Variants in ZNF746 observed in about 807,000 individuals in gnomAD.
The protein encoded by ZNF746 is zinc finger protein 746, also known as parkin-interacting substrate.
ZNF746 carries 13 observed loss-of-function variants against 41.0 expected under a neutral mutation model. That is an observed-to-expected ratio of 0.32 (90% confidence interval 0.21 to 0.50). ZNF746 has a LOEUF of 0.50. Ranked by LOEUF, ZNF746 falls within the 20% of genes least tolerant of loss-of-function variation. The pLI, the probability that ZNF746 is intolerant of heterozygous loss-of-function variation, is 0.98. For missense variants in ZNF746, 811 were observed against 922.9 expected, an observed-to-expected ratio of 0.88 and a Z score of 1.57; for synonymous variants, 424 against 396.2, an observed-to-expected ratio of 1.07 and a Z score of -0.83.
intron 5 of ZNF746, 83 bp downstream of exon 5, chr7:149,477,481 T>C (rs1585722398): frequency 6.9e-7 from 1 of 1,449,780 alleles, no homozygotes; most frequent in Non-Finnish European, 9.4e-7. Flanking sequence ...GGCCCACAGC[T>C]CCCCCATGCT....
chr7:149,494,311 C>G lies in ZNF746; in HGVS notation c.217G>C (p.Glu73Gln). Residue 73 changes from glutamate to glutamine, a missense_variant, in exon 2 of 7, where the codon GAG (glutamate) becomes CAG (glutamine). By Grantham distance (29) the Glu-to-Gln change is conservative. Transcript: ENST00000458143. The surrounding 1 kb of genome is among the most constrained non-coding windows in gnomAD (Gnocchi z 5.6). The stretch of plus-strand genomic sequence containing the variant: ...AGCCGCCTCTGCAGCAGCCCGTACT[C>G]CTGCAGCAGGGTCCCCAGCACGGCC... ...KWAVLGTLLQ[E>Q]YGLLQRRLEN... The G allele has an allele frequency of 6.2e-7, 1 of 1,614,084 alleles. No individual in the cohort carries two copies. Among genetic ancestry groups the G allele is most frequent in the South Asian group, 1.1e-5 (1 of 91,078 alleles).
intron 3 of ZNF746, 118 bp downstream of exon 3, chr7:149,493,871 A>T: frequency 6.5e-7 from 1 of 1,534,348 alleles, no homozygotes; most frequent in Non-Finnish European, 8.9e-7. Flanking sequence ...AACAACTTGC[A>T]AGGTCAACAA....
intron 4 of ZNF746, chr7:149,491,568 G>A (rs1800809180): frequency 2.1e-5 from 8 of 374,230 alleles, no homozygotes; most frequent in Admixed American, 1.1e-4. Flanking sequence ...CATCTGTAGA[G>A]CTAAACTGTC....
intron 1 of ZNF746, chr7:149,496,766 C>A: frequency 1.0e-6 from 1 of 969,502 alleles, no homozygotes; most frequent in Non-Finnish European, 1.2e-6. Context: ...CTCCTTCCCC[C>A]GGAGCCCACC....
Position 149,497,272 on chromosome 7 carries a change from T to C in ZNF746, c.24+241A>G, listed in dbSNP as rs1801037290. 1 of 984,908 alleles carries C rather than the reference T, an allele frequency of 1.0e-6. No individual in the cohort carries two copies. Among genetic ancestry groups the C allele is most frequent in the Non-Finnish European group, 1.2e-6 (1 of 829,740 alleles). The allele number at this position is 984,908 out of a possible 1,614,324, so 61.0% of individuals were successfully genotyped here. On this transcript the variant is annotated intron_variant, in intron 1 of 6. Transcript: ENST00000458143. This position sits in a 1 kb window ranked among gnomAD's most constrained non-coding sequence, Gnocchi z 4.2. Reference sequence around the variant, plus strand: ...CCCGGAGGGCCCAAAGAACTTGGCGTGGGGCGGCCCGGGGCGGGGACAACC... The same window carrying C: ...CCCGGAGGGCCCAAAGAACTTGGCGCGGGGCGGCCCGGGGCGGGGACAACC...
intron 4 of ZNF746, among the ~76,000 whole-genome samples, chr7:149,478,361 ACT>A (rs1800381810): frequency 1.3e-5 from 2 of 151,776 alleles, no homozygotes; most frequent in African/African-American, 2.4e-5. Flanking sequence ...GACTAGGAAA[ACT>A]CTGTCTGCCT....
rs1435884374 is a variant in ZNF746, at chr7:149,474,185, TCA to T, written c.*197_*198del. 3.4e-6 allele frequency: 2 copies of T among 581,856 alleles called. No homozygotes were observed. The highest frequency in any genetic ancestry group is 3.0e-5 in the East Asian group (1 of 33,436). The allele number at this position is 581,856 out of a possible 1,614,324, so 36.0% of individuals were successfully genotyped here. On this transcript the variant is annotated 3_prime_UTR_variant, in exon 7 of 7. Coordinates refer to ENST00000458143, the MANE Select transcript of ZNF746 (RefSeq NM_001394198.1). The surrounding 1 kb of genome is among the most constrained non-coding windows in gnomAD (Gnocchi z 6.3). Reference sequence around the variant, plus strand: ...CTTAAAATTCTACGGCGCTCCCATTTCACAGAGAATTCTACTTGGTTTAGAGG... The same window carrying T: ...CTTAAAATTCTACGGCGCTCCCATTTCAGAGAATTCTACTTGGTTTAGAGG...
chr7:149,487,115 C>A (rs938711967), intron 4 of ZNF746, among the ~76,000 whole-genome samples: 2 of 152,136 alleles, frequency 1.3e-5, no homozygotes, highest in African/African-American at 4.8e-5. Context: ...CTATTGTGAA[C>A]TGTGCATGCG....
At chr7:149,484,448 C>G (rs1359141931) in intron 4 of ZNF746, among the ~76,000 whole-genome samples, 26 of 152,044 alleles carry the variant, frequency 1.7e-4, no homozygotes, top group Non-Finnish European at 1.5e-5. Flanking sequence ...TCAATGGATA[C>G]CAAAAGAAAT....
At chr7:149,477,078 T>C in intron 5 of ZNF746, 31 bp from the exon 6 acceptor site, 1 of 1,598,286 alleles carries the variant, frequency 6.3e-7, no homozygotes, top group South Asian at 1.1e-5. Flanking sequence ...AGCCGGTGGG[T>C]TAGGGGACGG....
chr7:149,494,141 T>A lies in ZNF746; in HGVS notation c.325-26A>T. On this transcript the variant is annotated intron_variant, in intron 2 of 6. Transcript: ENST00000458143. This position sits in a 1 kb window ranked among gnomAD's most constrained non-coding sequence, Gnocchi z 5.6. ...CTGGAACCACAAGTGTCACACTCGC[T>A]CACCCACACGCTCACGGGTTTGGCC... The A allele has an allele frequency of 6.2e-7, 1 of 1,614,114 alleles. No homozygotes were observed. Among genetic ancestry groups the A allele is most frequent in the Non-Finnish European group, 8.5e-7 (1 of 1,179,998 alleles).
At chr7:149,477,483 C>T in intron 5 of ZNF746, 81 bp downstream of exon 5, 1 of 1,465,314 alleles carries the variant, frequency 6.8e-7, no homozygotes, top group Non-Finnish European at 9.3e-7. Context: ...CCCACAGCTC[C>T]CCCATGCTGC....
chr7:149,495,060 T>C (rs1800950722), intron 1 of ZNF746, among the ~76,000 whole-genome samples: 1 of 152,132 alleles, frequency 6.6e-6, no homozygotes, highest in Non-Finnish European at 1.5e-5. Flanking sequence ...TCTTTTTTTG[T>C]TTTTTAAAGC....
chr7:149,488,375 A>C (rs904066994), intron 4 of ZNF746: 2 of 152,234 alleles, frequency 1.3e-5, no homozygotes, highest in Admixed American at 1.3e-4. Flanking sequence ...ACAGATCATA[A>C]AGGAAAAGAC....
chr7:149,492,112 TTTG>T (rs1306983931), intron 4 of ZNF746, among the ~76,000 whole-genome samples: 1 of 152,234 alleles, frequency 6.6e-6, no homozygotes, highest in African/African-American at 2.4e-5. Context: ...TTGGATTAAT[TTTG>T]TTGTCAATAT....
At chr7:149,484,104 G>A (rs1800555247) in intron 4 of ZNF746, among the ~76,000 whole-genome samples, 1 of 152,124 alleles carries the variant, frequency 6.6e-6, no homozygotes, top group African/African-American at 2.4e-5. Context: ...AGGCTCAGGT[G>A]GCCCCACTGG....
intron 6 of ZNF746, 25 bp from the exon 7 acceptor site, chr7:149,475,508 C>T (rs1474072776): frequency 6.3e-7 from 1 of 1,590,298 alleles, no homozygotes; most frequent in Non-Finnish European, 8.6e-7. Context: ...AAGACAGATA[C>T]TGACCTGTCC....
At chr7:149,495,549 G>A (rs889519168) in intron 1 of ZNF746, among the ~76,000 whole-genome samples, 4 of 152,204 alleles carry the variant, frequency 2.6e-5, no homozygotes, top group Admixed American at 6.5e-5. Flanking sequence ...GGGACCTACA[G>A]GGCACAGAGG....
At position 149,497,446 on chromosome 7, in the gene ZNF746, G is replaced by A. The variant is rs962921551; in HGVS notation, c.24+67C>T. The A allele has an allele frequency of 3.8e-6, 4 of 1,061,100 alleles. No homozygotes were observed. Among genetic ancestry groups the A allele is most frequent in the East Asian group, 7.2e-5 (1 of 13,904 alleles). The allele number at this position is 1,061,100 out of a possible 1,614,324, so 65.7% of individuals were successfully genotyped here. On this transcript the variant is annotated intron_variant, in intron 1 of 6. Transcript: ENST00000458143. This position sits in a 1 kb window ranked among gnomAD's most constrained non-coding sequence, Gnocchi z 4.2. ...ACCCCTCCCCAGGGCCTGCGGCGCCGTGTGCCGGGGCCGGGCCGCCTGGGG... is the reference window on the plus strand; with the variant it reads ...ACCCCTCCCCAGGGCCTGCGGCGCCATGTGCCGGGGCCGGGCCGCCTGGGG...
Sources: gnomAD v4.1 joint callset for allele counts (sites outside exome capture counted in the v4.1 genomes callset) on GRCh38, gnomAD v4.1.1 for gene constraint, Gnocchi (gnomAD v3.1) non-coding constraint, MANE v1.5 for transcripts, NCBI Gene and HGNC (gene_info 2026-07-23, HGNC 2026-07-21) for gene names.